Variants in ZNF540 observed in about 807,000 individuals in gnomAD.
ZNF540 encodes CTD-3064H18.6.
A neutral mutation model predicts 11.8 loss-of-function variants in ZNF540; 3 were observed. The observed-to-expected ratio is 0.25, with a 90% confidence interval of 0.12 to 0.65. The LOEUF is 0.65. Ranked by LOEUF, ZNF540 falls within the 30% of genes least tolerant of loss-of-function variation. The pLI is 0.83. For synonymous variants in ZNF540, 247 were observed against 259.0 expected (o/e 0.95, Z 0.45); for missense variants, 709 against 793.1 (o/e 0.89, Z 1.27).
In ZNF540 at chr19:37,565,977, G is replaced by T. The variant is rs761281720; in HGVS notation, c.-73+14312G>T. 1.4e-5 allele frequency: 22 copies of T among 1,613,570 alleles called. 1 individual carries two copies. In the South Asian group the frequency reaches 1.6e-4, roughly 12 times the overall value. ...TCCTCATGTTGAATAAGGCATGACA[G>T]GTAGCTGAAACCTTGTCTGCATTCC... On this transcript the variant is annotated intron_variant, in intron 1 of 4. Coordinates refer to the ZNF540 transcript ENST00000592533.
At chr19:37,607,481 C>G (rs1419650317) in intron 4 of ZNF540, among the ~76,000 whole-genome samples, 3 of 152,240 alleles carry the variant, frequency 2.0e-5, no homozygotes, top group Non-Finnish European at 4.4e-5. Context: ...TCATCCCTCT[C>G]TCCACCCTAA....
At position 37,611,811 on chromosome 19, in the gene ZNF540, A is replaced by G; in HGVS notation, c.531A>G (p.Gln177=). 1 of 1,614,058 alleles carries G rather than the reference A, an allele frequency of 6.2e-7. No homozygotes were observed. Among genetic ancestry groups the G allele is most frequent in the South Asian group, 1.1e-5 (1 of 91,080 alleles). ...AAAGCTGTGACTCACACTTGGTTCA[A>G]CATGGGAAAATAGATTCTGATGTGA... is the stretch of plus-strand genomic sequence containing the variant. The part of the protein sequence containing the change: ...SEKSCDSHLV[Q]HGKIDSDVKH... Residue 177 remains glutamine, a synonymous_variant, in exon 5 of 5, where the codon CAA becomes CAG. Transcript: ENST00000316433.
intron 4 of ZNF540, among the ~76,000 whole-genome samples, chr19:37,601,388 G>A (rs1185126639): frequency 1.3e-5 from 2 of 152,266 alleles, no homozygotes; most frequent in Non-Finnish European, 2.9e-5. Context: ...GCAATCAATT[G>A]CTTCCTATCT....
chr19:37,597,734 G>GT (rs1414019950), intron 1 of ZNF540, among the ~76,000 whole-genome samples: 2 of 152,212 alleles, frequency 1.3e-5, no homozygotes, highest in African/African-American at 2.4e-5. Context: ...GCCAGCAAAT[G>GT]TTTTTTATAG....
At chr19:37,582,520 G>A (rs969963591) in intron 1 of ZNF540, among the ~76,000 whole-genome samples, 13 of 151,996 alleles carry the variant, frequency 8.6e-5, no homozygotes, top group African/African-American at 2.7e-4. Flanking sequence ...AAACCAATTC[G>A]CTCCATAATC....
intron 1 of ZNF540, chr19:37,566,331 C>T (rs2042859028): frequency 1.9e-6 from 3 of 1,549,214 alleles, no homozygotes; most frequent in East Asian, 2.3e-5. Flanking sequence ...CTTTTGTTTA[C>T]AAGGAGAAAT....
intron 4 of ZNF540, among the ~76,000 whole-genome samples, chr19:37,604,659 AT>A (rs2044069315): frequency 6.6e-6 from 1 of 152,126 alleles, no homozygotes; most frequent in Non-Finnish European, 1.5e-5. Flanking sequence ...TTTATATAGA[AT>A]AAAATTCATT....
intron 1 of ZNF540, among the ~76,000 whole-genome samples, chr19:37,558,859 C>CAG (rs994136002): frequency 6.6e-6 from 1 of 151,402 alleles, no homozygotes; most frequent in Non-Finnish European, 1.5e-5. Context: ...GAGAGAGAGA[C>CAG]AGAGAGAGAG....
Position 37,601,063 on chromosome 19 carries a change from C to A in ZNF540, c.190C>A (p.Pro64Thr). Reference sequence around the variant, plus strand: ...TACCTTACTGGAGCAAGGGAAAGAGCCCTGCGTGGTGGCGAGGGATGTGAC... The same window carrying A: ...TACCTTACTGGAGCAAGGGAAAGAGACCTGCGTGGTGGCGAGGGATGTGAC... ...VITLLEQGKE[P>T]CVVARDVTGR... Residue 64 changes from proline (P) to threonine (T), a missense_variant, in exon 4 of 5, where the codon CCC (proline) becomes ACC (threonine). Pro to Thr is a conservative substitution (Grantham distance 38). Coordinates refer to ENST00000316433, the MANE Select transcript of ZNF540 (RefSeq NM_001172225.3). The A allele has an allele frequency of 1.3e-6, 2 of 1,591,606 alleles. No individual in the cohort carries two copies. The highest frequency in any genetic ancestry group is 1.7e-6 in the Non-Finnish European group (2 of 1,169,060).
chr19:37,565,961 TG>T, intron 1 of ZNF540: 4 of 1,613,800 alleles, frequency 2.5e-6, no homozygotes, highest in Non-Finnish European at 3.4e-6. Flanking sequence ...TTCCTCATGT[TG>T]AATAAGGCAT....
intron 1 of ZNF540, chr19:37,555,939 CAT>C: frequency 1.4e-6 from 1 of 700,910 alleles, no homozygotes; most frequent in East Asian, 2.7e-5. Flanking sequence ...TAAAGTTACA[CAT>C]GTCCAATCAG....
At chr19:37,564,769 A>C (rs2042786327) in intron 1 of ZNF540, 1 of 1,613,724 alleles carries the variant, frequency 6.2e-7, no homozygotes, top group Non-Finnish European at 8.5e-7. Flanking sequence ...GTTTCTCTCC[A>C]GTATGAGTTC....
In ZNF540 at chr19:37,612,124, A is replaced by G. The variant is rs897324048; in HGVS notation, c.844A>G (p.Ser282Gly). The change falls in exon 5 of 5, where the codon AGT becomes GGT. Residue 282 changes from serine (S) to glycine (G), a missense_variant. Ser to Gly is a moderately conservative substitution (Grantham distance 56). Transcript: ENST00000316433. ...MCKKCDKGFF[S>G]RLELTQHKRI... is the part of the protein sequence containing the mutation. ...TAAGAAATGTGATAAGGGTTTTTTT[A>G]GTAGATTAGAACTTACTCAACATAA... 1.9e-6 allele frequency: 3 copies of G among 1,611,250 alleles called. No individual in the cohort carries two copies. The highest frequency in any genetic ancestry group is 2.7e-5 in the African/African-American group (2 of 74,792).
At chr19:37,578,995 G>C (rs1313745017) in intron 1 of ZNF540, among the ~76,000 whole-genome samples, 1 of 152,030 alleles carries the variant, frequency 6.6e-6, no homozygotes, top group Non-Finnish European at 1.5e-5. Context: ...AGTCTCCATT[G>C]CAGGAGTCCT....
intron 3 of ZNF540, among the ~76,000 whole-genome samples, chr19:37,600,728 T>G (rs1373404984): frequency 6.6e-6 from 1 of 152,180 alleles, no homozygotes; most frequent in Admixed American, 6.5e-5. Flanking sequence ...GGCTATGCCC[T>G]CAATAACTAC....
At chr19:37,556,110 C>A (rs1317778253) in intron 1 of ZNF540, 12 of 702,768 alleles carry the variant, frequency 1.7e-5, no homozygotes, top group South Asian at 1.6e-4. Context: ...GTTGACACTT[C>A]CTGCTTTTGG....
intron 1 of ZNF540, among the ~76,000 whole-genome samples, chr19:37,568,022 G>T (rs2042921348): frequency 6.6e-6 from 1 of 152,050 alleles, no homozygotes; most frequent in African/African-American, 2.4e-5. Context: ...AAATCTCCTA[G>T]AAATAGTGAC....
upstream of ZNF540, among the ~76,000 whole-genome samples, chr19:37,591,142 C>G (rs2043856969): frequency 6.6e-6 from 1 of 152,236 alleles, no homozygotes; most frequent in South Asian, 2.1e-4. Flanking sequence ...AAACGACAGC[C>G]TTATGGCAAT....
intron 4 of ZNF540, among the ~76,000 whole-genome samples, chr19:37,601,869 T>A (rs59426132): frequency 2.6e-5 from 4 of 152,108 alleles, no homozygotes; most frequent in Non-Finnish European, 4.4e-5. Flanking sequence ...AATTTAGAGC[T>A]GAGCAGGGGC....
Sources: gnomAD v4.1 joint callset for allele counts (sites outside exome capture counted in the v4.1 genomes callset) on GRCh38, gnomAD v4.1.1 for gene constraint, MANE v1.5 for transcripts, NCBI Gene and HGNC (gene_info 2026-07-23, HGNC 2026-07-21) for gene names.